The following MRPL42 variants were observed in gnomAD, a reference collection of about 807,000 sequenced individuals.
MRPL42 encodes the protein mitochondrial ribosomal protein L42, also known as large ribosomal subunit protein mL42.
Under a neutral mutation model 17.9 loss-of-function variants are expected in MRPL42, and 17 were observed. The ratio of observed to expected loss-of-function variants is 0.95; its 90% confidence interval spans 0.65 to 1.42. MRPL42 has a LOEUF of 1.42. Ranked by LOEUF, MRPL42 falls within the 40% of genes most tolerant of loss-of-function variation. The pLI is 0.00. For missense variants in MRPL42, 177 were observed against 175.2 expected (o/e 1.01, Z -0.06); for synonymous variants, 59 against 54.4 (o/e 1.08, Z -0.37).
chr12:93,482,596 G>C (rs1018985292), intron 4 of MRPL42, among the ~76,000 whole-genome samples: 1 of 152,106 alleles, frequency 6.6e-6, no homozygotes, highest in Admixed American at 6.6e-5. Context: ...GTTTTTGTTT[G>C]TCAAGCAATA....
chr12:93,495,331 C>CT (rs1240408004), intron 5 of MRPL42, among the ~76,000 whole-genome samples: 4 of 152,186 alleles, frequency 2.6e-5, no homozygotes, highest in African/African-American at 7.2e-5. Flanking sequence ...CTAAGGAAGA[C>CT]TAAAGACTCA....
chr12:93,481,825 C>T (rs558285536), intron 4 of MRPL42, among the ~76,000 whole-genome samples: 24 of 152,282 alleles, frequency 1.6e-4, no homozygotes, highest in South Asian at 1.2e-3. Context: ...TATTCATTCC[C>T]TCTTTGTAAC....
chr12:93,482,813 T>G (rs572820437), intron 4 of MRPL42, among the ~76,000 whole-genome samples: 130 of 152,128 alleles, frequency 8.5e-4, no homozygotes, highest in Non-Finnish European at 1.4e-3. Context: ...CTTGAATTCC[T>G]GGACTCAAGC....
rs1953709487 is a variant in MRPL42 at position 93,509,765 on chromosome 12, A to G, written c.*8544A>G. 6.9e-6 allele frequency: 1 copy of G among 144,118 alleles called. No individual in the cohort carries two copies. Among genetic ancestry groups the G allele is most frequent in the African/African-American group, 2.7e-5 (1 of 36,462 alleles). The allele number at this position is 144,118 out of a possible 1,614,324, so 8.9% of individuals were successfully genotyped here. A position where few individuals can be genotyped will look rare whatever the true frequency, so the allele number is the denominator to read the frequency against. On this transcript the variant is annotated 3_prime_UTR_variant, in exon 6 of 6. Coordinates refer to ENST00000549982, the MANE Select transcript of MRPL42 (RefSeq NM_014050.4). ...GCCTGGGCAACATAGTGAGATCCTC[A>G]TCTCCTGAAAAAAAAAAAAAACTTT...
chr12:93,495,932 A>T (rs944110972), intron 5 of MRPL42, among the ~76,000 whole-genome samples: 2 of 152,236 alleles, frequency 1.3e-5, no homozygotes, highest in African/African-American at 4.8e-5. Context: ...TGAACACCTT[A>T]AAGAAGCTGT....
intron 5 of MRPL42, among the ~76,000 whole-genome samples, chr12:93,489,930 A>T (rs1815098541): frequency 6.6e-6 from 1 of 152,262 alleles, no homozygotes; most frequent in South Asian, 2.1e-4. Context: ...CAAACAAATT[A>T]GGAAACCATC....
rs563079238 is a variant in MRPL42 at position 93,487,588 on chromosome 12, A to C, written c.311A>C (p.Glu104Ala). The C allele has an allele frequency of 9.3e-6, 15 of 1,613,324 alleles. No individual in the cohort carries two copies. In the South Asian group the frequency reaches 1.1e-4, roughly 12 times the overall value. Residue 104 changes from glutamate to alanine, a missense_variant, in exon 5 of 6, where the codon GAG becomes GCG. By Grantham distance (107) the Glu-to-Ala change is moderately radical (BLOSUM62 -1). Transcript: ENST00000549982. Reference protein sequence around the residue: ...TRLEEKVEHLEEGPMIEQLSK... With the variant: ...TRLEEKVEHLAEGPMIEQLSK... Reference sequence around the variant, plus strand: ...TTGGAAGAAAAAGTTGAACACCTTGAGGAAGGACCTATGATAGAACAACTT... The same window carrying C: ...TTGGAAGAAAAAGTTGAACACCTTGCGGAAGGACCTATGATAGAACAACTT...
chr12:93,511,328 G>A lies in MRPL42; in HGVS notation c.*10107G>A, dbSNP rs981383030. 3 of 152,100 alleles carry A rather than the reference G, an allele frequency of 2.0e-5. No homozygotes were observed. Among genetic ancestry groups the A allele is most frequent in the Non-Finnish European group, 4.4e-5 (3 of 68,000 alleles). The allele number at this position is 152,100 out of a possible 1,614,324, so 9.4% of individuals were successfully genotyped here. A position where few individuals can be genotyped will look rare whatever the true frequency, so the allele number is the denominator to read the frequency against. ...AACCTAAGTAATTAAAAAACTGAAA[G>A]CACAGATATTCATTATTTCACAAAT... On this transcript the variant is annotated 3_prime_UTR_variant, in exon 6 of 6. Transcript: ENST00000549982.
intron 3 of MRPL42, 101 bp from the exon 4 acceptor site, chr12:93,479,287 C>G (rs1292577833): frequency 3.1e-6 from 2 of 640,906 alleles, no homozygotes; most frequent in Non-Finnish European, 4.7e-6. Flanking sequence ...GCACTCCAGC[C>G]TGGGTGACAT....
At chr12:93,497,710 T>C (rs1258455952) in intron 5 of MRPL42, among the ~76,000 whole-genome samples, 1 of 149,714 alleles carries the variant, frequency 6.7e-6, no homozygotes, top group African/African-American at 2.5e-5. Context: ...TTCAACATAG[T>C]ACTGGGGAAG....
chr12:93,483,095 A>T (rs1300857249), intron 4 of MRPL42, among the ~76,000 whole-genome samples: 1 of 152,090 alleles, frequency 6.6e-6, no homozygotes, highest in East Asian at 1.9e-4. Flanking sequence ...GGGTTTCGCC[A>T]TGTTGGCCAG....
At chr12:93,471,940 T>C (rs1879929519) in intron 2 of MRPL42, among the ~76,000 whole-genome samples, 1 of 152,220 alleles carries the variant, frequency 6.6e-6, no homozygotes, top group South Asian at 2.1e-4. Context: ...AGTTTTTACA[T>C]AGACTATGTT....
chr12:93,501,081 T>C, intron 5 of MRPL42, 95 bp from the exon 6 acceptor site: 1 of 932,404 alleles, frequency 1.1e-6, no homozygotes, highest in South Asian at 1.8e-5. Context: ...TTTAAAAAAA[T>C]AGTTCCAATA....
intron 4 of MRPL42, among the ~76,000 whole-genome samples, chr12:93,486,267 C>T (rs748459199): frequency 2.6e-5 from 4 of 152,168 alleles, no homozygotes; most frequent in African/African-American, 4.8e-5. Flanking sequence ...CAATAAAGCA[C>T]TGTTTGGTGG....
chr12:93,484,070 A>C (rs759267615), intron 4 of MRPL42, among the ~76,000 whole-genome samples: 1 of 152,108 alleles, frequency 6.6e-6, no homozygotes, highest in Non-Finnish European at 1.5e-5. Context: ...TGGAGCTGTC[A>C]TCTCCTATGA....
chr12:93,479,558 A>G (rs1041182606), intron 4 of MRPL42, 86 bp downstream of exon 4: 12 of 716,058 alleles, frequency 1.7e-5, no homozygotes, highest in Non-Finnish European at 2.6e-5. Context: ...GAAGGGAGTC[A>G]TCTGATTTTC....
intron 4 of MRPL42, among the ~76,000 whole-genome samples, chr12:93,481,675 C>T (rs771395901): frequency 1.3e-5 from 2 of 152,136 alleles, no homozygotes; most frequent in African/African-American, 2.4e-5. Flanking sequence ...ACATCAGCTA[C>T]CCACTTCCAT....
At chr12:93,484,389 A>G (rs1880605813) in intron 4 of MRPL42, among the ~76,000 whole-genome samples, 1 of 151,952 alleles carries the variant, frequency 6.6e-6, no homozygotes, top group African/African-American at 2.4e-5. Flanking sequence ...ATCAAGTATT[A>G]TGTGCTATAC....
chr12:93,473,855 A>G (rs1049425992), intron 2 of MRPL42, among the ~76,000 whole-genome samples: 2 of 152,208 alleles, frequency 1.3e-5, no homozygotes, highest in Admixed American at 1.3e-4. Flanking sequence ...GGCGTGAGCC[A>G]CCATGCCCAG....
Sources: gnomAD v4.1 joint callset for allele counts (sites outside exome capture counted in the v4.1 genomes callset) on GRCh38, gnomAD v4.1.1 for gene constraint, MANE v1.5 for transcripts, NCBI Gene and HGNC (gene_info 2026-07-23, HGNC 2026-07-21) for gene names.